MACROD2: variants seen among roughly 807,000 people sequenced by gnomAD.
MACROD2 encodes mono-ADP ribosylhydrolase 2.
MACROD2 carries 36 observed loss-of-function variants against 70.4 expected under a neutral mutation model. The ratio of observed to expected loss-of-function variants is 0.51; its 90% confidence interval spans 0.39 to 0.68. The LOEUF is 0.68. Among genes scored for constraint, MACROD2 ranks in the 30% least tolerant of loss-of-function variants. The probability of loss-of-function intolerance (pLI) is 0.00; values close to 1 mark genes in which losing one functional copy is unlikely to be tolerated. For missense variants in MACROD2, 496 were observed against 538.4 expected, an observed-to-expected ratio of 0.92 and a Z score of 0.78; for synonymous variants, 172 against 178.8, an observed-to-expected ratio of 0.96 and a Z score of 0.30.
At chr20:15,818,289 T>G (rs368669346) in intron 8 of MACROD2, among the ~76,000 whole-genome samples, 193 of 152,304 alleles carry the variant, frequency 1.3e-3, no homozygotes, top group African/African-American at 4.6e-3. Context: ...TACTTATAGT[T>G]CTTTTTTGAT....
Position 14,298,740 on chromosome 20 carries a change from G to A in MACROD2, c.272-194739G>A, listed in dbSNP as rs547660601. ...GGAGGTCTGAGTATCAACATGAACA[G>A]GAATTTGGAAGACATTAATTCCAAC... On this transcript the variant is annotated intron_variant, in intron 3 of 17. Transcript: ENST00000684519. Among the ~76,000 whole-genome samples the A allele has an allele frequency of 7.2e-5, 11 of 152,104 alleles. No homozygotes were observed. In the South Asian group the frequency reaches 2.3e-3, roughly 32 times the overall value.
chr20:14,186,871 A>G (rs574042959), intron 3 of MACROD2, among the ~76,000 whole-genome samples: 55 of 152,274 alleles, frequency 3.6e-4, no homozygotes, highest in African/African-American at 1.2e-3. Context: ...CACATGTTCT[A>G]ATTTATAAGT....
intron 5 of MACROD2, among the ~76,000 whole-genome samples, chr20:14,690,386 A>G (rs1293170726): frequency 6.6e-6 from 1 of 152,232 alleles, no homozygotes; most frequent in South Asian, 2.1e-4. Flanking sequence ...AATGAGTGGT[A>G]TGAATCAGAA....
intron 4 of MACROD2, among the ~76,000 whole-genome samples, chr20:14,652,486 A>G (rs1198773677): frequency 1.3e-5 from 2 of 152,138 alleles, no homozygotes; most frequent in African/African-American, 4.8e-5. Context: ...ACAGTATGAG[A>G]TTGACTATTG....
chr20:15,561,737 C>A (rs1003803050), intron 8 of MACROD2, among the ~76,000 whole-genome samples: 1 of 152,100 alleles, frequency 6.6e-6, no homozygotes, highest in Non-Finnish European at 1.5e-5. Context: ...TATCATTAGA[C>A]AAGCTATACT....
intron 6 of MACROD2, among the ~76,000 whole-genome samples, chr20:15,372,182 C>T (rs1600309418): frequency 6.6e-6 from 1 of 152,202 alleles, no homozygotes; most frequent in South Asian, 2.1e-4. Context: ...AGTAGCATAA[C>T]AGGGAACATC....
At chr20:15,116,381 G>A (rs1462061635) in intron 5 of MACROD2, among the ~76,000 whole-genome samples, 2 of 152,110 alleles carry the variant, frequency 1.3e-5, no homozygotes, top group African/African-American at 2.4e-5. Context: ...GGTGGCCCAC[G>A]CCTGTAATCC....
In MACROD2 at chr20:15,338,811, A is replaced by G. The variant is rs1419061270; in HGVS notation, c.541-92594A>G. 2.0e-5 allele frequency among the ~76,000 whole-genome samples: 3 copies of G among 151,712 alleles called. No homozygotes were observed. The East Asian group carries it at 5.8e-4, about 29-fold the overall frequency. On this transcript the variant is annotated intron_variant, in intron 6 of 17. Transcript: ENST00000684519. ...CAAATGGTGCATTATACAAGTAGGT[A>G]CACACCCCTATTTTCAAACCTTGAC...
chr20:14,997,905 A>G (rs1354011092), intron 5 of MACROD2, among the ~76,000 whole-genome samples: 1 of 152,152 alleles, frequency 6.6e-6, no homozygotes, highest in Non-Finnish European at 1.5e-5. Flanking sequence ...ATGGAGAGAG[A>G]GACTCCATTT....
intron 3 of MACROD2, among the ~76,000 whole-genome samples, chr20:14,278,778 A>G (rs1304172932): frequency 6.6e-6 from 1 of 152,224 alleles, no homozygotes; most frequent in African/African-American, 2.4e-5. Flanking sequence ...ATTTTGGAGT[A>G]CATGAGTTCT....
chr20:14,510,819 C>G (rs1392897274), intron 4 of MACROD2, among the ~76,000 whole-genome samples: 1 of 151,984 alleles, frequency 6.6e-6, no homozygotes. Context: ...AAATTCTGTT[C>G]TATTCTTCAT....
intron 8 of MACROD2, among the ~76,000 whole-genome samples, chr20:15,810,515 G>A (rs2063809634): frequency 6.6e-6 from 1 of 152,026 alleles, no homozygotes; most frequent in Non-Finnish European, 1.5e-5. Context: ...TCCACATCAA[G>A]GTAATTTATA....
intron 3 of MACROD2, among the ~76,000 whole-genome samples, chr20:14,115,497 C>T (rs2054503215): frequency 6.6e-6 from 1 of 152,180 alleles, no homozygotes; most frequent in South Asian, 2.1e-4. Context: ...ATGAAGAAGA[C>T]AGTGAGAAAT....
At chr20:14,400,576 A>G (rs2083627210) in intron 3 of MACROD2, among the ~76,000 whole-genome samples, 1 of 151,958 alleles carries the variant, frequency 6.6e-6, no homozygotes, top group Non-Finnish European at 1.5e-5. Context: ...GCCATACTCC[A>G]TTTCCTCAAC....
At chr20:15,548,807 A>T (rs1462483434) in intron 8 of MACROD2, among the ~76,000 whole-genome samples, 1 of 152,190 alleles carries the variant, frequency 6.6e-6, no homozygotes, top group Non-Finnish European at 1.5e-5. Context: ...CCTTGGGGGA[A>T]GTCAGCCACC....
intron 13 of MACROD2, 149 bp from the exon 14 acceptor site, chr20:15,986,578 G>T: frequency 1.9e-6 from 1 of 533,368 alleles, no homozygotes; most frequent in Non-Finnish European, 3.4e-6. Context: ...TAAATCTGAT[G>T]ATTAGAAAAA....
At chr20:15,527,267 C>T (rs563887288) in intron 8 of MACROD2, among the ~76,000 whole-genome samples, 84 of 152,202 alleles carry the variant, frequency 5.5e-4, no homozygotes, top group African/African-American at 2.0e-3. Flanking sequence ...GCAAAAGGCT[C>T]CTTACTCATT....
At chr20:14,037,597 A>G (rs545083097) in intron 2 of MACROD2, among the ~76,000 whole-genome samples, 1 of 152,300 alleles carries the variant, frequency 6.6e-6, no homozygotes, top group African/African-American at 2.4e-5. Flanking sequence ...AATTTAACTC[A>G]GTGATGTCGC....
At chr20:14,246,438 G>A (rs912130595) in intron 3 of MACROD2, among the ~76,000 whole-genome samples, 8 of 151,982 alleles carry the variant, frequency 5.3e-5, no homozygotes, top group African/African-American at 1.5e-4. Flanking sequence ...ATTTAATAAC[G>A]GAGAAAAATC....
Sources: allele counts gnomAD v4.1 joint callset (sites outside exome capture counted in the v4.1 genomes callset), GRCh38; gene constraint gnomAD v4.1.1; transcripts MANE v1.5; gene names NCBI Gene and HGNC (gene_info 2026-07-23, HGNC 2026-07-21).